Variants in FAM53A observed in about 807,000 individuals in gnomAD.
FAM53A encodes the protein protein FAM53A.
A neutral mutation model predicts 26.6 loss-of-function variants in FAM53A; 28 were observed. That is an observed-to-expected ratio of 1.05 (90% CI 0.78 to 1.45). FAM53A has a LOEUF of 1.45. Ranked by LOEUF, FAM53A falls within the 40% of genes most tolerant of loss-of-function variation. The probability of loss-of-function intolerance (pLI) is 0.00; values close to 1 mark genes in which losing one functional copy is unlikely to be tolerated. For missense variants in FAM53A, 650 were observed against 575.8 expected, an observed-to-expected ratio of 1.13 and a Z score of -1.32; for synonymous variants, 290 against 253.1, an observed-to-expected ratio of 1.15 and a Z score of -1.38.
chr4:1,683,665 G>A (rs542871477), intron 1 of FAM53A: 2 of 152,220 alleles, frequency 1.3e-5, no homozygotes, highest in African/African-American at 4.8e-5. Context: ...TCAAAGAAGA[G>A]GCACCAAGGA....
intron 1 of FAM53A, among the ~76,000 whole-genome samples, chr4:1,623,423 G>A (rs952904530): frequency 4.0e-5 from 6 of 151,874 alleles, no homozygotes; most frequent in African/African-American, 1.5e-4. Context: ...CAGCTGTGAG[G>A]CTTGGCCACG....
At chr4:1,646,699 A>T (rs983319985) in intron 4 of FAM53A, among the ~76,000 whole-genome samples, 3 of 152,170 alleles carry the variant, frequency 2.0e-5, no homozygotes, top group Non-Finnish European at 2.9e-5. Context: ...ACACGGCCAC[A>T]TGCACCTCTA....
Position 1,655,402 on chromosome 4 carries a change from C to T in FAM53A, c.458G>A (p.Cys153Tyr). ...KVWTPVSKRR[C>Y]DSGGSATRQG... ...CCGCGTGGCACTCCCGCCGCTGTCG[C>T]ACCGCCTCTTGGAGACTGGAGTCCA... Residue 153 changes from cysteine to tyrosine, a missense_variant, in exon 4 of 5, where the codon TGC (cysteine) becomes TAC (tyrosine). Cys to Tyr is a radical substitution (Grantham distance 194). Transcript: ENST00000308132. 6.8e-7 allele frequency: 1 copy of T among 1,472,208 alleles called. No individual in the cohort carries two copies. Among genetic ancestry groups the T allele is most frequent in the Non-Finnish European group, 9.0e-7 (1 of 1,112,820 alleles). 91.2% of individuals were successfully genotyped at this position (1,472,208 alleles called of 1,614,324 possible). A position where few individuals can be genotyped will look rare whatever the true frequency, so the allele number is the denominator to read the frequency against.
intron 1 of FAM53A, among the ~76,000 whole-genome samples, chr4:1,627,698 G>A (rs1162105238): frequency 6.6e-6 from 1 of 152,194 alleles, no homozygotes; most frequent in Non-Finnish European, 1.5e-5. Context: ...GGGGAAGGGT[G>A]TCGGGGAGGA....
At chr4:1,607,654 G>A in the FAM53A span, among the ~76,000 whole-genome samples, 5 of 151,978 alleles carry the variant, frequency 3.3e-5, no homozygotes, top group Admixed American at 1.3e-4. Flanking sequence ...GGCTTCACCC[G>A]CCCAGTCCGG....
At chr4:1,582,054 A>G in the FAM53A span, among the ~76,000 whole-genome samples, 3,080 of 152,186 alleles carry the variant, frequency 0.02, 89 homozygotes, top group African/African-American at 0.066. Flanking sequence ...ATCACTCCCC[A>G]CCCAAAATTT....
chr4:1,641,576 A>C lies in FAM53A; in HGVS notation c.914T>G (p.Leu305Arg). Residue 305 changes from leucine (L) to arginine (R), a missense_variant, in exon 5 of 5, where the codon CTC (leucine) becomes CGC (arginine). Physicochemically the swap from Leu to Arg is moderately radical, Grantham distance 102 (BLOSUM62 -2). Transcript: ENST00000308132. ...TLKNSKSLCS[L>R]NYEDDDEDDT... is the part of the protein sequence containing the mutation. ...ATCCTCATCGTCATCTTCGTAATTGAGGGAGCAAAGGCTTTTTGAATTTTT... is the reference window on the plus strand; with the variant it reads ...ATCCTCATCGTCATCTTCGTAATTGCGGGAGCAAAGGCTTTTTGAATTTTT... 6.2e-7 allele frequency: 1 copy of C among 1,614,154 alleles called. No homozygotes were observed. Among genetic ancestry groups the C allele is most frequent in the Non-Finnish European group, 8.5e-7 (1 of 1,179,994 alleles).
At chr4:1,649,231 G>A (rs1712536041) in intron 4 of FAM53A, among the ~76,000 whole-genome samples, 1 of 151,014 alleles carries the variant, frequency 6.6e-6, no homozygotes, top group South Asian at 2.1e-4. Flanking sequence ...GAAGAGGAGG[G>A]GAGGAAAGAA....
At chr4:1,578,440 A>C in the FAM53A span, among the ~76,000 whole-genome samples, 1 of 77,676 alleles carries the variant, frequency 1.3e-5, no homozygotes, top group East Asian at 2.8e-4. Context: ...CGGTGTGTAG[A>C]AGGGCGCGAG....
At chr4:1,661,520 C>T (rs1212371675) in intron 2 of FAM53A, among the ~76,000 whole-genome samples, 4 of 152,220 alleles carry the variant, frequency 2.6e-5, no homozygotes, top group Non-Finnish European at 5.9e-5. Flanking sequence ...CAGGCCCTAC[C>T]GCCTCCTGGC....
At chr4:1,666,616 A>C (rs1404483343) in intron 2 of FAM53A, among the ~76,000 whole-genome samples, 1 of 152,264 alleles carries the variant, frequency 6.6e-6, no homozygotes, top group Non-Finnish European at 1.5e-5. Context: ...AAATGTCCTC[A>C]GAGGCACACA....
chr4:1,596,733 A>G, the FAM53A span, among the ~76,000 whole-genome samples: 3 of 152,168 alleles, frequency 2.0e-5, no homozygotes, highest in Non-Finnish European at 2.9e-5. Flanking sequence ...CAGATTCCCA[A>G]CTGTACTTCT....
At chr4:1,684,603 G>A (rs1016295248), upstream of FAM53A, among the ~76,000 whole-genome samples, 3 of 151,812 alleles carry the variant, frequency 2.0e-5, no homozygotes, top group African/African-American at 7.2e-5. Flanking sequence ...TAGAAGGCAA[G>A]ACCTGTGGCG....
chr4:1,574,401 C>G, the FAM53A span: 1 of 152,512 alleles, frequency 6.6e-6, no homozygotes, highest in Non-Finnish European at 1.5e-5. Context: ...TCCTCATCCC[C>G]TCCCACCAGG....
chr4:1,632,808 A>T (rs1053188382), intron 1 of FAM53A, among the ~76,000 whole-genome samples: 12 of 152,214 alleles, frequency 7.9e-5, no homozygotes, highest in Non-Finnish European at 1.6e-4. Context: ...ACACATGCCC[A>T]TGTGCACACA....
rs945649937 is a variant in FAM53A at position 1,655,563 on chromosome 4, T to C, written c.297A>G (p.Ala99=). ...TTTCACTGGGGTCCACGGTGCTGGC[T>C]GCACCCAGGCCTGCGCCTGGGCGCG... ...QSPRPGAGLG[A]ASTVDPSEST... is the part of the protein sequence containing the mutation. Residue 99 remains alanine (A), a synonymous_variant, in exon 4 of 5, where the codon GCA becomes GCG. Transcript: ENST00000308132. 1 of 1,577,224 alleles carries C rather than the reference T, an allele frequency of 6.3e-7. No individual in the cohort carries two copies. The highest frequency in any genetic ancestry group is 8.6e-7 in the Non-Finnish European group (1 of 1,161,094).
the FAM53A span, among the ~76,000 whole-genome samples, chr4:1,590,621 G>A: frequency 2.0e-5 from 3 of 151,938 alleles, no homozygotes; most frequent in African/African-American, 7.3e-5. Context: ...TATGTGTGAA[G>A]CCATCCGTTC....
At position 1,632,958 on chromosome 4, in the gene FAM53A, T is replaced by TACATGC. The variant is rs1344958483; in HGVS notation, c.432-14853_432-14848dup. Among the ~76,000 whole-genome samples, 4 of 152,222 alleles carry TACATGC rather than the reference T, an allele frequency of 2.6e-5. No homozygotes were observed. The East Asian group carries it at 7.7e-4, about 29-fold the overall frequency. ...ACATATGCACACACGTGCACAGACA[T>TACATGC]ACATGCATGTGCACAGGGCGCACGC... On this transcript the variant is annotated intron_variant, in intron 1 of 1. Coordinates refer to the FAM53A transcript ENST00000489029.
chr4:1,641,460 T>G lies in FAM53A; in HGVS notation c.1030A>C (p.Arg344=). Residue 344 remains arginine (R), a synonymous_variant, in exon 5 of 5, where the codon AGG becomes CGG. Transcript: ENST00000308132. ...TMPGCSQRGL[R]TSPVHPNLWA... Reference sequence around the variant, plus strand: ...AGGTTGGGGTGGACAGGGCTGGTCCTGAGGCCCCTCTGGCTGCAGCCAGGC... The same window carrying G: ...AGGTTGGGGTGGACAGGGCTGGTCCGGAGGCCCCTCTGGCTGCAGCCAGGC... The G allele has an allele frequency of 6.2e-7, 1 of 1,614,114 alleles. No homozygotes were observed. Among genetic ancestry groups the G allele is most frequent in the Non-Finnish European group, 8.5e-7 (1 of 1,179,990 alleles).
Sources: gnomAD v4.1 joint callset for allele counts (sites outside exome capture counted in the v4.1 genomes callset) on GRCh38, gnomAD v4.1.1 for gene constraint, MANE v1.5 for transcripts, NCBI Gene and HGNC (gene_info 2026-07-23, HGNC 2026-07-21) for gene names.